The following RCAN1 variants were observed in gnomAD, a reference collection of about 807,000 sequenced individuals.
The protein encoded by RCAN1 is regulator of calcineurin 1.
RCAN1 carries 11 observed loss-of-function variants against 22.9 expected under a neutral mutation model. The ratio of observed to expected loss-of-function variants is 0.48; its 90% CI spans 0.30 to 0.79. The LOEUF (loss-of-function observed/expected upper bound fraction) is 0.79, where lower values mean the gene tolerates loss of function less well. RCAN1 is among the 30% of genes least tolerant of loss of function. The probability of loss-of-function intolerance (pLI) is 0.06; values close to 1 mark genes in which losing one functional copy is unlikely to be tolerated. For synonymous variants in RCAN1, 136 were observed against 142.3 expected (o/e 0.96, Z 0.32); for missense variants, 291 against 337.8 (o/e 0.86, Z 1.09).
rs1988768414 is a variant in RCAN1, at chr21:34,614,622, C to T, written c.252+138G>A. The T allele has an allele frequency of 1.9e-6, 2 of 1,076,186 alleles. No homozygotes were observed. The highest frequency in any genetic ancestry group is 2.3e-6 in the Non-Finnish European group (2 of 873,914). 66.7% of individuals were successfully genotyped at this position (1,076,186 alleles called of 1,614,324 possible). A position where few individuals can be genotyped will look rare whatever the true frequency, so the allele number is the denominator to read the frequency against. On this transcript the variant is annotated intron_variant, in intron 1 of 3. Coordinates refer to ENST00000313806, the MANE Select transcript of RCAN1 (RefSeq NM_004414.7). The surrounding 1 kb of genome is among the most constrained non-coding windows in gnomAD (Gnocchi z 6.0). ...CCCCACGCCCCAGCCCTGACGGGTC[C>T]GCGGCCGAGCAGCCCGGGGGACGTC...
intron 1 of RCAN1, among the ~76,000 whole-genome samples, chr21:34,548,144 GC>G (rs1344635126): frequency 1.3e-5 from 2 of 152,148 alleles, no homozygotes; most frequent in Non-Finnish European, 2.9e-5. Flanking sequence ...TGTTATAGCA[GC>G]CCGAGCAGAT....
chr21:34,586,778 C>T (rs1309091744), intron 1 of RCAN1, among the ~76,000 whole-genome samples: 1 of 152,082 alleles, frequency 6.6e-6, no homozygotes, highest in Non-Finnish European at 1.5e-5. Flanking sequence ...CATGGCGAAA[C>T]CCTGTCTCTA....
At position 34,542,917 on chromosome 21, in the gene RCAN1, G is replaced by A. The variant is rs111720694; in HGVS notation, c.253-19207C>T. On this transcript the variant is annotated intron_variant, in intron 1 of 3. Transcript: ENST00000313806. ...CAGAGTTGTAGAAGTATGGACTCTG[G>A]AGCCAGGCCACCTGGGTCTGAACCT... Among the ~76,000 whole-genome samples, 211 of 152,258 alleles carry A rather than the reference G, an allele frequency of 1.4e-3. 2 individuals are homozygous for A. Among genetic ancestry groups the A allele is most frequent in the African/African-American group, 4.8e-3 (201 of 41,542 alleles).
intron 1 of RCAN1, among the ~76,000 whole-genome samples, chr21:34,601,547 G>A (rs762635817): frequency 4.6e-4 from 70 of 152,124 alleles, no homozygotes; most frequent in Non-Finnish European, 8.4e-4. Flanking sequence ...GGCTGGGCAC[G>A]GTGGCTCACA....
intron 1 of RCAN1, among the ~76,000 whole-genome samples, chr21:34,562,260 T>A (rs1221868224): frequency 6.6e-6 from 1 of 152,232 alleles, no homozygotes; most frequent in Non-Finnish European, 1.5e-5. Flanking sequence ...TGCAGTGACA[T>A]CTTTTGGTAC....
chr21:34,524,970 C>A, intron 1 of RCAN1: 1 of 1,457,870 alleles, frequency 6.9e-7, no homozygotes, highest in Non-Finnish European at 9.1e-7. Flanking sequence ...TTTTACCAGG[C>A]AAAAACACTT....
intron 1 of RCAN1, among the ~76,000 whole-genome samples, chr21:34,541,890 C>T (rs377051123): frequency 9.2e-5 from 14 of 152,104 alleles, no homozygotes; most frequent in African/African-American, 2.7e-4. Context: ...GCTCAGATTG[C>T]GCCACTGCAC....
intron 1 of RCAN1, chr21:34,613,710 C>T: frequency 1.4e-6 from 2 of 1,420,448 alleles, no homozygotes; most frequent in Non-Finnish European, 9.4e-7. Context: ...TGCCTGGAAG[C>T]TTACCTAAGC....
At chr21:34,555,956 G>A (rs1986548892) in intron 1 of RCAN1, among the ~76,000 whole-genome samples, 1 of 151,588 alleles carries the variant, frequency 6.6e-6, no homozygotes. Context: ...TCAGCTACTC[G>A]GGAGGCTGAG....
intron 1 of RCAN1, among the ~76,000 whole-genome samples, chr21:34,588,420 T>C (rs1987869763): frequency 6.6e-6 from 1 of 152,216 alleles, no homozygotes; most frequent in Non-Finnish European, 1.5e-5. Context: ...CAGCAAGGTT[T>C]TGATTTGTGT....
At chr21:34,562,588 A>G (rs1227248993) in intron 1 of RCAN1, among the ~76,000 whole-genome samples, 2 of 152,220 alleles carry the variant, frequency 1.3e-5, no homozygotes, top group African/African-American at 4.8e-5. Context: ...TCAAAAGGAC[A>G]CTTTCACATC....
chr21:34,580,517 C>T (rs1249620721), intron 1 of RCAN1, among the ~76,000 whole-genome samples: 2 of 152,210 alleles, frequency 1.3e-5, no homozygotes, highest in Non-Finnish European at 2.9e-5. Flanking sequence ...TATCCAGTCA[C>T]GTCCTCCGGG....
intron 1 of RCAN1, among the ~76,000 whole-genome samples, chr21:34,528,175 C>T (rs1985180799): frequency 6.6e-6 from 1 of 152,154 alleles, no homozygotes; most frequent in East Asian, 1.9e-4. Flanking sequence ...GGAATCCTGC[C>T]ATTCACATTT....
chr21:34,592,276 G>C (rs1455248760), intron 1 of RCAN1, among the ~76,000 whole-genome samples: 1 of 152,200 alleles, frequency 6.6e-6, no homozygotes, highest in Admixed American at 6.5e-5. Context: ...TGCGTGCAAT[G>C]CCATGCTGGG....
At chr21:34,593,607 C>G (rs992651640) in intron 1 of RCAN1, among the ~76,000 whole-genome samples, 6 of 152,202 alleles carry the variant, frequency 3.9e-5, no homozygotes, top group Non-Finnish European at 8.8e-5. Flanking sequence ...GGCAGCCTGG[C>G]TCGGAACACC....
intron 1 of RCAN1, among the ~76,000 whole-genome samples, chr21:34,585,503 G>A (rs750934749): frequency 3.3e-5 from 5 of 152,036 alleles, no homozygotes; most frequent in Admixed American, 6.6e-5. Flanking sequence ...CAGCACTTTC[G>A]GAGGCCGAGG....
chr21:34,569,688 C>T (rs749478231), intron 1 of RCAN1, among the ~76,000 whole-genome samples: 7 of 152,160 alleles, frequency 4.6e-5, no homozygotes, highest in East Asian at 3.9e-4. Flanking sequence ...AAGGAAAAAG[C>T]GACTCACAAT....
chr21:34,602,571 C>A (rs187639349), intron 1 of RCAN1, among the ~76,000 whole-genome samples: 6 of 151,860 alleles, frequency 4.0e-5, no homozygotes, highest in Non-Finnish European at 8.8e-5. Flanking sequence ...TGATTGCGGA[C>A]CAGACCACCT....
intron 1 of RCAN1, among the ~76,000 whole-genome samples, chr21:34,604,987 C>T (rs66921213): frequency 0.06 from 9,116 of 152,270 alleles, 405 homozygotes; most frequent in Non-Finnish European, 0.089. Context: ...CTGCCTGGCA[C>T]GCCATCGGCA....
Sources: allele counts gnomAD v4.1 joint callset (sites outside exome capture counted in the v4.1 genomes callset), GRCh38; gene constraint gnomAD v4.1.1; non-coding constraint Gnocchi (gnomAD v3.1); transcripts MANE v1.5; gene names NCBI Gene and HGNC (gene_info 2026-07-23, HGNC 2026-07-21).